Variants in EP400 observed in about 807,000 individuals in gnomAD.
The protein encoded by EP400 is E1A binding protein p400.
A neutral mutation model predicts 354.1 loss-of-function variants in EP400; 105 were observed. That is an observed-to-expected ratio of 0.30 (90% CI 0.25 to 0.35). The LOEUF is 0.35. Among genes scored for constraint, EP400 ranks in the 10% least tolerant of loss-of-function variants. The probability of loss-of-function intolerance (pLI) is 1.00; values close to 1 mark genes in which losing one functional copy is unlikely to be tolerated. For synonymous variants in EP400, 1,646 were observed against 1,716.9 expected (o/e 0.96, Z 1.02); for missense variants, 3,280 against 4,121.0 (o/e 0.80, Z 5.59).
At chr12:132,065,625 C>T (rs888586556) in intron 48 of EP400, 6 of 152,404 alleles carry the variant, frequency 3.9e-5, no homozygotes, top group African/African-American at 1.4e-4. Context: ...CACAACCAAT[C>T]AGCTGCAACT....
chr12:132,003,447 T>C (rs775634932), intron 12 of EP400, among the ~76,000 whole-genome samples: 18 of 152,210 alleles, frequency 1.2e-4, no homozygotes, highest in Non-Finnish European at 1.5e-4. Flanking sequence ...AAAGGGGCCT[T>C]GGAACCACCT....
intron 1 of EP400, among the ~76,000 whole-genome samples, chr12:131,958,330 T>C (rs1455373833): frequency 2.6e-5 from 4 of 152,358 alleles, no homozygotes; most frequent in African/African-American, 7.2e-5. Flanking sequence ...GTGGCCTTGC[T>C]CTTCCCTTAA....
chr12:132,053,110 G>A (rs1225961151), intron 41 of EP400, 36 bp from the exon 42 acceptor site: 1 of 1,609,580 alleles, frequency 6.2e-7, no homozygotes, highest in Non-Finnish European at 8.5e-7. Context: ...CTTAAAACTT[G>A]CCTGTATGTT....
chr12:131,999,958 T>C (rs1893350875), intron 12 of EP400, among the ~76,000 whole-genome samples: 1 of 151,902 alleles, frequency 6.6e-6, no homozygotes, highest in Admixed American at 6.5e-5. Context: ...CTTGATAGTC[T>C]TGTCAAAAGT....
At chr12:132,065,554 A>G (rs534668183) in intron 48 of EP400, 5 of 152,458 alleles carry the variant, frequency 3.3e-5, no homozygotes, top group African/African-American at 9.6e-5. Context: ...GGGTCTTACT[A>G]TTAATTCCAT....
chr12:132,065,260 G>A, intron 48 of EP400: 1 of 270,466 alleles, frequency 3.7e-6, no homozygotes, highest in East Asian at 7.2e-5. Context: ...ATGGGCAGGT[G>A]GCGGTCTCTG....
intron 1 of EP400, among the ~76,000 whole-genome samples, chr12:131,956,691 C>A (rs1172982620): frequency 6.6e-6 from 1 of 152,084 alleles, no homozygotes; most frequent in African/African-American, 2.4e-5. Context: ...CAAATTGCTT[C>A]TGTAATTCCC....
In EP400 at chr12:132,045,502, C is replaced by T; in HGVS notation, c.6968C>T (p.Ala2323Val). Reference protein sequence around the residue: ...KPLPTFAKPTAEPGQDNPEWL... With the variant: ...KPLPTFAKPTVEPGQDNPEWL... The stretch of plus-strand genomic sequence containing the variant: ...CTGCCAACTTTTGCCAAACCCACAG[C>T]TGAGCCTGGTCAAGACAACCCCGAG... The change falls in exon 38 of 53, where the codon GCT becomes GTT. Residue 2323 changes from alanine to valine, a missense_variant. This residue lies in a region of EP400 where 231 missense variants were observed against 257.9 expected (regional missense o/e 0.90). Transcript: ENST00000389561. 1 of 1,614,206 alleles carries T rather than the reference C, an allele frequency of 6.2e-7. No homozygotes were observed. Among genetic ancestry groups the T allele is most frequent in the Non-Finnish European group, 8.5e-7 (1 of 1,180,034 alleles).
At position 131,966,562 on chromosome 12, in the gene EP400, C is replaced by CAAAAAAAAAA. The variant is rs534384776; in HGVS notation, c.1335+4624_1335+4633dup. On this transcript the variant is annotated intron_variant, in intron 2 of 52. Transcript: ENST00000389561. ...TGGGCCACAGAGTGATACCCTACCTCAAAAAAAAAAAAAAAAAAAAAAAAA... is the reference window on the plus strand; with the variant it reads ...TGGGCCACAGAGTGATACCCTACCTCAAAAAAAAAAAAAAAAAAAAAAAAAAAAAAAAAAA... 4.5e-4 allele frequency among the ~76,000 whole-genome samples: 26 copies of CAAAAAAAAAA among 57,518 alleles called. 1 individual carries two copies. Among genetic ancestry groups the CAAAAAAAAAA allele is most frequent in the African/African-American group, 1.5e-3 (26 of 17,414 alleles). The allele number at this position is 57,518 out of a possible 152,430, so 37.7% of individuals were successfully genotyped here.
At chr12:132,031,821 C>T (rs544692354) in intron 29 of EP400, 132 bp from the exon 30 acceptor site, 2 of 855,246 alleles carry the variant, frequency 2.3e-6, no homozygotes, top group East Asian at 2.6e-5. Flanking sequence ...TCCCAAAGTG[C>T]TGGGATTACA....
At chr12:131,999,549 C>G (rs1893336793) in intron 12 of EP400, among the ~76,000 whole-genome samples, 1 of 152,124 alleles carries the variant, frequency 6.6e-6, no homozygotes, top group Admixed American at 6.6e-5. Context: ...AGCGATTCTC[C>G]TGCCTCAGCC....
intron 5 of EP400, among the ~76,000 whole-genome samples, chr12:131,984,939 TAAG>T (rs1240838195): frequency 6.6e-6 from 1 of 152,164 alleles, no homozygotes; most frequent in African/African-American, 2.4e-5. Context: ...ATTCTCTCCT[TAAG>T]AACAACAGTA....
chr12:131,964,292 T>C (rs7958552), intron 2 of EP400, among the ~76,000 whole-genome samples: 151,670 of 152,242 alleles, frequency 1, 75,552 homozygotes, highest in Middle Eastern at 1. Context: ...CAGGGTGAAA[T>C]GCTGTCCCTA....
intron 2 of EP400, among the ~76,000 whole-genome samples, chr12:131,971,162 C>T (rs1892275910): frequency 6.6e-6 from 1 of 151,982 alleles, no homozygotes. Context: ...TGTGATTGTG[C>T]CACTACACTC....
intron 12 of EP400, among the ~76,000 whole-genome samples, chr12:131,999,799 A>C (rs542410329): frequency 2.6e-5 from 4 of 152,058 alleles, no homozygotes; most frequent in Non-Finnish European, 5.9e-5. Flanking sequence ...ATGATAGTCA[A>C]ATTTTCTAGG....
chr12:132,037,037 G>C (rs926718202), intron 30 of EP400, among the ~76,000 whole-genome samples: 1 of 152,068 alleles, frequency 6.6e-6, no homozygotes, highest in Non-Finnish European at 1.5e-5. Flanking sequence ...GCTTTTTTGA[G>C]GTTTAGCATT....
Position 132,064,692 on chromosome 12 carries a change from C to T in EP400, c.8359C>T (p.Gln2787Ter). 6.2e-7 allele frequency: 1 copy of T among 1,612,792 alleles called. No homozygotes were observed. The highest frequency in any genetic ancestry group is 8.5e-7 in the Non-Finnish European group (1 of 1,179,066). The change falls in exon 48 of 53, where the codon CAG (glutamine) becomes TAG (stop). Residue 2787 changes from glutamine (Q) to a stop codon, truncating the protein, a stop_gained. Transcript: ENST00000389561. LOFTEE classifies it high-confidence loss of function. Reference protein sequence around the residue: ...TPEHLIKMQKQKLQMPPQPPP... With the variant: ...TPEHLIKMQK ...GGAACACCTCATCAAAATGCAGAAG[C>T]AGAAACTGCAGATGCCCCCGCAGCC...
At chr12:132,004,717 T>C (rs537005636) in intron 12 of EP400, among the ~76,000 whole-genome samples, 14 of 152,368 alleles carry the variant, frequency 9.2e-5, no homozygotes, top group African/African-American at 3.4e-4. Flanking sequence ...GGGGTGCAAG[T>C]ACAGTGCTGT....
Position 132,018,773 on chromosome 12 carries a change from C to G in EP400, c.4277+397C>G, listed in dbSNP as rs2136540097. On this transcript the variant is annotated intron_variant, in intron 21 of 52. Coordinates refer to ENST00000389561, the MANE Select transcript of EP400 (RefSeq NM_015409.5). This position sits in a 1 kb window ranked among gnomAD's most constrained non-coding sequence, Gnocchi z 4.0. ...CTTAACAAGTGACATGTGAGTGATT[C>G]TGAAGTGATGCTTTTGCGGGTGTCA... Among the ~76,000 whole-genome samples, 1 of 152,274 alleles carries G rather than the reference C, an allele frequency of 6.6e-6. No individual in the cohort carries two copies. The highest frequency in any genetic ancestry group is 2.4e-5 in the African/African-American group (1 of 41,558).
Sources: allele counts gnomAD v4.1 joint callset (sites outside exome capture counted in the v4.1 genomes callset), GRCh38; gene constraint gnomAD v4.1.1; regional missense constraint gnomAD v4.1.1; non-coding constraint Gnocchi (gnomAD v3.1); transcripts MANE v1.5; gene names NCBI Gene and HGNC (gene_info 2026-07-23, HGNC 2026-07-21).